Variants in ANKFN1 observed in about 807,000 individuals in gnomAD.
ANKFN1 encodes ankyrin repeat and fibronectin type-III domain-containing protein 1.
In ANKFN1, 74 loss-of-function variants were observed where a neutral mutation model predicts 108.7. The observed-to-expected ratio is 0.68, with a 90% CI of 0.56 to 0.83. ANKFN1 has a LOEUF of 0.83. Among genes scored for constraint, ANKFN1 ranks in the 40% least tolerant of loss-of-function variants. The probability of loss-of-function intolerance (pLI) is 0.00; values close to 1 mark genes in which losing one functional copy is unlikely to be tolerated. For synonymous variants in ANKFN1, 547 were observed against 516.2 expected (o/e 1.06, Z -0.81); for missense variants, 1,505 against 1,382.3 (o/e 1.09, Z -1.41).
At chr17:56,080,600 A>G (rs943843225) in intron 4 of ANKFN1, among the ~76,000 whole-genome samples, 1 of 152,174 alleles carries the variant, frequency 6.6e-6, no homozygotes, top group Non-Finnish European at 1.5e-5. Context: ...AATCCTCCCT[A>G]TACTCCTAAG....
intron 4 of ANKFN1, among the ~76,000 whole-genome samples, chr17:56,121,632 G>C (rs1437487417): frequency 2.6e-4 from 39 of 152,000 alleles, no homozygotes; most frequent in Non-Finnish European, 3.8e-4. Flanking sequence ...GGAAAAAAAG[G>C]GTGGGGGAGA....
At chr17:56,253,786 A>T (rs1336688109) in intron 3 of ANKFN1, among the ~76,000 whole-genome samples, 2 of 152,168 alleles carry the variant, frequency 1.3e-5, no homozygotes, top group East Asian at 3.9e-4. Flanking sequence ...CCAGGTGTAC[A>T]GCTCACTGAG....
chr17:56,461,664 G>T (rs2049906693), intron 14 of ANKFN1, among the ~76,000 whole-genome samples: 1 of 152,148 alleles, frequency 6.6e-6, no homozygotes, highest in Admixed American at 6.5e-5. Context: ...CAGAATCCCA[G>T]AGTTTATTAC....
At chr17:56,226,885 A>G (rs905518148) in intron 2 of ANKFN1, among the ~76,000 whole-genome samples, 10 of 152,132 alleles carry the variant, frequency 6.6e-5, no homozygotes, top group African/African-American at 2.4e-4. Flanking sequence ...CTTTATGGCA[A>G]TTCTTTGAAA....
chr17:56,235,823 C>T (rs1225453774), intron 3 of ANKFN1, among the ~76,000 whole-genome samples: 2 of 152,084 alleles, frequency 1.3e-5, no homozygotes, highest in Non-Finnish European at 2.9e-5. Context: ...CTTAGGATTG[C>T]TGTAGCTATT....
At chr17:56,467,832 AAGAAAGAAAGAAAGAAAG>A (rs2145299889) in intron 15 of ANKFN1, among the ~76,000 whole-genome samples, 2 of 42,474 alleles carry the variant, frequency 4.7e-5, no homozygotes, top group African/African-American at 2.4e-4. Flanking sequence ...GAAAGAAAGA[AAGAAAGAAAGAAAGAAAG>A]AAAAAGGGAA....
At chr17:56,277,685 C>T (rs753563299) in intron 3 of ANKFN1, among the ~76,000 whole-genome samples, 3 of 152,116 alleles carry the variant, frequency 2.0e-5, no homozygotes, top group Non-Finnish European at 2.9e-5. Context: ...CCATAGTGTA[C>T]GCTGCTTGAG....
At chr17:56,059,523 A>T (rs1904937720) in intron 4 of ANKFN1, among the ~76,000 whole-genome samples, 1 of 152,110 alleles carries the variant, frequency 6.6e-6, no homozygotes, top group Non-Finnish European at 1.5e-5. Flanking sequence ...TATGTCCTGA[A>T]TGGTATTGCC....
intron 20 of ANKFN1, among the ~76,000 whole-genome samples, chr17:56,503,726 C>G (rs1232090087): frequency 6.6e-6 from 1 of 151,838 alleles, no homozygotes; most frequent in Non-Finnish European, 1.5e-5. Context: ...GTTGGCCTGA[C>G]CCACAGAGAC....
At chr17:56,375,758 C>T (rs7210515) in intron 8 of ANKFN1, among the ~76,000 whole-genome samples, 26,137 of 152,106 alleles carry the variant, frequency 0.17, 4,920 homozygotes, top group African/African-American at 0.47. Flanking sequence ...ATTGTGATGA[C>T]AACAGCTAAT....
At chr17:56,173,194 T>A (rs766320497) in intron 1 of ANKFN1, among the ~76,000 whole-genome samples, 34 of 152,210 alleles carry the variant, frequency 2.2e-4, no homozygotes, top group Non-Finnish European at 4.3e-4. Context: ...CACTGCTAGC[T>A]CCTGGCTCCC....
intron 4 of ANKFN1, among the ~76,000 whole-genome samples, chr17:56,110,151 A>C (rs1905875804): frequency 6.6e-6 from 1 of 152,186 alleles, no homozygotes; most frequent in Non-Finnish European, 1.5e-5. Context: ...GCCCTGCCTG[A>C]AAGCGGTCCA....
At chr17:56,167,861 GA>G (rs1910300905) in intron 1 of ANKFN1, among the ~76,000 whole-genome samples, 1 of 152,158 alleles carries the variant, frequency 6.6e-6, no homozygotes, top group Admixed American at 6.5e-5. Context: ...GGCCAACACA[GA>G]AGTGACCTAT....
intron 3 of ANKFN1, among the ~76,000 whole-genome samples, chr17:56,289,273 A>G (rs1017094061): frequency 6.6e-6 from 1 of 152,174 alleles, no homozygotes; most frequent in East Asian, 1.9e-4. Flanking sequence ...TTAGAGTCCT[A>G]GAAGTTGCTT....
intron 11 of ANKFN1, among the ~76,000 whole-genome samples, chr17:56,456,621 C>T (rs913492205): frequency 1.3e-5 from 2 of 151,894 alleles, no homozygotes; most frequent in African/African-American, 4.8e-5. Flanking sequence ...TGGTCTTGAA[C>T]TCCTGACCTC....
At chr17:56,488,136 C>T (rs1321425278) in intron 18 of ANKFN1, among the ~76,000 whole-genome samples, 2 of 152,064 alleles carry the variant, frequency 1.3e-5, no homozygotes, top group Non-Finnish European at 2.9e-5. Flanking sequence ...TCATGGAGGA[C>T]TGATTGCAAG....
intron 20 of ANKFN1, among the ~76,000 whole-genome samples, chr17:56,509,392 C>T (rs567826163): frequency 4.6e-4 from 70 of 152,342 alleles, no homozygotes; most frequent in African/African-American, 1.6e-3. Flanking sequence ...TCCATGACCT[C>T]ATCCAACACA....
intron 8 of ANKFN1, among the ~76,000 whole-genome samples, chr17:56,438,936 G>A (rs1177927900): frequency 6.6e-6 from 1 of 152,132 alleles, no homozygotes; most frequent in Admixed American, 6.5e-5. Flanking sequence ...AAACCAGGAC[G>A]AGTCTAGAAA....
rs370054254 is a variant in ANKFN1, at chr17:56,227,964, A to C, written c.53+7A>C. The C allele has an allele frequency of 1.9e-5, 30 of 1,605,254 alleles. No individual in the cohort carries two copies. In the African/African-American group the frequency reaches 3.8e-4, roughly 20 times the overall value. ...ATTTTACTTGCAGCAAAATGTAAGT[A>C]CATTTCCTCCTTGAAATGGTATCTA... On this transcript the variant is annotated splice_region_variant and intron_variant, in intron 3 of 20. Coordinates refer to ENST00000682825, the MANE Select transcript of ANKFN1 (RefSeq NM_001370326.1).
Sources: allele counts gnomAD v4.1 joint callset (sites outside exome capture counted in the v4.1 genomes callset), GRCh38; gene constraint gnomAD v4.1.1; transcripts MANE v1.5; gene names NCBI Gene and HGNC (gene_info 2026-07-23, HGNC 2026-07-21).